ENDOD1: variants seen among roughly 807,000 people sequenced by gnomAD.
The protein encoded by ENDOD1 is endonuclease domain-containing 1 protein.
ENDOD1 carries 9 observed loss-of-function variants against 6.5 expected under a neutral mutation model. The observed-to-expected ratio is 1.39, with a 90% CI of 0.84 to 2.43. The LOEUF is 2.43. ENDOD1 is among the 30% of genes most tolerant of loss of function. The pLI is 0.00. For missense variants in ENDOD1, 648 were observed against 635.5 expected (o/e 1.02, Z -0.21); for synonymous variants, 255 against 255.2 (o/e 1.00, Z 0.01).
Position 95,090,172 on chromosome 11 carries a change from GCGCCCCGCGCC to G in ENDOD1, c.247_257del (p.Ala83CysfsTer17). ...CGCATCCCCGTGTACTCCGCGTTCC[GCGCCCCGCGCC>G]CTGCGCCCGGCGGCGCCGAGCAGCG... On this transcript the variant is annotated frameshift_variant, in exon 1 of 2. Coordinates refer to ENST00000278505, the MANE Select transcript of ENDOD1 (RefSeq NM_015036.3). LOFTEE classifies it high-confidence loss of function. 1.4e-6 allele frequency: 2 copies of G among 1,433,402 alleles called. No homozygotes were observed. Among genetic ancestry groups the G allele is most frequent in the Non-Finnish European group, 1.9e-6 (2 of 1,077,388 alleles). The allele number at this position is 1,433,402 out of a possible 1,614,324, so 88.8% of individuals were successfully genotyped here. A position where few individuals can be genotyped will look rare whatever the true frequency, so the allele number is the denominator to read the frequency against.
chr11:95,090,498 T>C (rs538928806), intron 1 of ENDOD1, among the ~76,000 whole-genome samples: 75 of 152,300 alleles, frequency 4.9e-4, no homozygotes, highest in Non-Finnish European at 7.8e-4. Context: ...GGGAGGAGGT[T>C]CTCCCTGCAT....
intron 1 of ENDOD1, among the ~76,000 whole-genome samples, 159 bp downstream of exon 1, chr11:95,090,386 G>C (rs574038268): frequency 3.2e-4 from 11 of 33,984 alleles, no homozygotes; most frequent in Non-Finnish European, 4.4e-4. Flanking sequence ...CCACCCTGTT[G>C]CGTCCCCGGA....
intron 1 of ENDOD1, among the ~76,000 whole-genome samples, chr11:95,093,613 C>T (rs540947788): frequency 6.6e-6 from 1 of 152,328 alleles, no homozygotes; most frequent in East Asian, 1.9e-4. Context: ...CTTACTCATT[C>T]TTTTCCTAGT....
chr11:95,111,068 G>A (rs1247127382), intron 1 of ENDOD1, among the ~76,000 whole-genome samples: 3 of 152,184 alleles, frequency 2.0e-5, no homozygotes, highest in African/African-American at 7.2e-5. Context: ...GGTACTGGCA[G>A]GCTCCAAATC....
In ENDOD1 at chr11:95,128,556, C is replaced by T; in HGVS notation, c.480C>T (p.Leu160=). The T allele has an allele frequency of 6.2e-7, 1 of 1,614,270 alleles. No individual in the cohort carries two copies. The highest frequency in any genetic ancestry group is 1.1e-5 in the South Asian group (1 of 91,082). ...SSDVQVATFT[L]TNSAPMTQSF... ...ATGTCCAGGTGGCCACATTTACTCTCACAAATTCAGCCCCAATGACTCAGT... is the reference window on the plus strand; with the variant it reads ...ATGTCCAGGTGGCCACATTTACTCTTACAAATTCAGCCCCAATGACTCAGT... Residue 160 remains leucine, a synonymous_variant, in exon 2 of 2, where the codon CTC becomes CTT. Transcript: ENST00000278505.
chr11:95,121,549 C>G (rs142460954), intron 1 of ENDOD1, among the ~76,000 whole-genome samples: 309 of 152,278 alleles, frequency 2.0e-3, no homozygotes, highest in Non-Finnish European at 3.4e-3. Context: ...AATGTTTCCC[C>G]TCCAATACTC....
chr11:95,116,767 A>T (rs934469324), intron 1 of ENDOD1, among the ~76,000 whole-genome samples: 89 of 152,330 alleles, frequency 5.8e-4, no homozygotes, highest in African/African-American at 2.1e-3. Context: ...ATTCAGGAGC[A>T]TACTGTTTAA....
Position 95,128,587 on chromosome 11 carries a change from C to T in ENDOD1, c.511C>T (p.Gln171Ter). 6.2e-7 allele frequency: 1 copy of T among 1,614,216 alleles called. No individual in the cohort carries two copies. Among genetic ancestry groups the T allele is most frequent in the Non-Finnish European group, 8.5e-7 (1 of 1,180,034 alleles). Residue 171 changes from glutamine (Q) to a stop codon, truncating the protein, a stop_gained, in exon 2 of 2, where the codon CAG (glutamine) becomes TAG (stop). Coordinates refer to ENST00000278505, the MANE Select transcript of ENDOD1 (RefSeq NM_015036.3). LOFTEE classifies it low-confidence loss of function (END_TRUNC). Reference sequence around the variant, plus strand: ...TTCAGCCCCAATGACTCAGTCCTTCCAGGAACGGTGGTATGTGAATCTCCA... The same window carrying T: ...TTCAGCCCCAATGACTCAGTCCTTCTAGGAACGGTGGTATGTGAATCTCCA... The part of the protein sequence containing the change: ...TNSAPMTQSF[Q>*]ERWYVNLHSL...
In ENDOD1 at chr11:95,129,202, C is replaced by A; in HGVS notation, c.1126C>A (p.Leu376Ile). ...GGTGATTAATGGCATAGAAAGTTGC[C>A]TTTACCGCCTGGGCTCAGCCACCAT... ...KQVINGIESC[L>I]YRLGSATISY... is the part of the protein sequence containing the mutation. Residue 376 changes from leucine (L) to isoleucine (I), a missense_variant, in exon 2 of 2, where the codon CTT becomes ATT. Leu to Ile is a conservative substitution (Grantham distance 5). Transcript: ENST00000278505. The A allele has an allele frequency of 6.2e-7, 1 of 1,614,148 alleles. No individual in the cohort carries two copies. The highest frequency in any genetic ancestry group is 8.5e-7 in the Non-Finnish European group (1 of 1,180,038).
At chr11:95,125,712 T>C (rs1369009151) in intron 1 of ENDOD1, among the ~76,000 whole-genome samples, 1 of 151,878 alleles carries the variant, frequency 6.6e-6, no homozygotes, top group Admixed American at 6.6e-5. Context: ...TTTGTCCTTG[T>C]GATAGTTTGC....
At chr11:95,121,785 A>G (rs1591019310) in intron 1 of ENDOD1, among the ~76,000 whole-genome samples, 2 of 152,342 alleles carry the variant, frequency 1.3e-5, no homozygotes, top group East Asian at 3.9e-4. Context: ...TAGTAGAGCG[A>G]AGACAGCTCA....
chr11:95,122,083 A>T lies in ENDOD1; in HGVS notation c.301-6294A>T, dbSNP rs1029033734. Among the ~76,000 whole-genome samples the T allele has an allele frequency of 2.0e-5, 3 of 152,222 alleles. No homozygotes were observed. In the East Asian group the frequency reaches 5.8e-4, roughly 29 times the overall value. ...TAGGGAGCAATGTTGTCAGTAATTT[A>T]CTATAATTGCAATAACCAGATCATT... On this transcript the variant is annotated intron_variant, in intron 1 of 1. Coordinates refer to ENST00000278505, the MANE Select transcript of ENDOD1 (RefSeq NM_015036.3).
At chr11:95,101,747 C>T (rs1158977017) in intron 1 of ENDOD1, among the ~76,000 whole-genome samples, 1 of 152,126 alleles carries the variant, frequency 6.6e-6, no homozygotes, top group Non-Finnish European at 1.5e-5. Flanking sequence ...CTCTATGAGG[C>T]CACATCTAAT....
At chr11:95,124,804 G>A (rs1859295622) in intron 1 of ENDOD1, among the ~76,000 whole-genome samples, 2 of 152,342 alleles carry the variant, frequency 1.3e-5, no homozygotes, top group East Asian at 3.9e-4. Context: ...CTAAGAGGAT[G>A]CAGAAACACC....
intron 1 of ENDOD1, among the ~76,000 whole-genome samples, chr11:95,123,192 A>G (rs1356869033): frequency 2.6e-5 from 4 of 151,466 alleles, no homozygotes; most frequent in Admixed American, 6.6e-5. Flanking sequence ...CCGTCTCAAA[A>G]AAAAAAAAAA....
intron 1 of ENDOD1, among the ~76,000 whole-genome samples, chr11:95,103,100 G>GTGT (rs1555111075): frequency 0.03 from 2,606 of 85,578 alleles, 56 homozygotes; most frequent in African/African-American, 0.055. Context: ...AGGCAGAGTG[G>GTGT]GTGTGTGTGT....
chr11:95,129,202 CTT>C lies in ENDOD1; in HGVS notation c.1128_1129del (p.Tyr377ProfsTer91). The C allele has an allele frequency of 6.2e-7, 1 of 1,614,148 alleles. No homozygotes were observed. Among genetic ancestry groups the C allele is most frequent in the Middle Eastern group, 1.6e-4 (1 of 6,062 alleles). On this transcript the variant is annotated frameshift_variant, in exon 2 of 2. Transcript: ENST00000278505. LOFTEE classifies it low-confidence loss of function (END_TRUNC). ...GGTGATTAATGGCATAGAAAGTTGC[CTT>C]TACCGCCTGGGCTCAGCCACCATCT... is the stretch of plus-strand genomic sequence containing the variant. Reference protein sequence around the residue: ...KQVINGIESCLYRLGSATISY... With the variant: ...KQVINGIESCXYRLGSATISY...
At chr11:95,093,899 T>C (rs1311343773) in intron 1 of ENDOD1, among the ~76,000 whole-genome samples, 2 of 152,172 alleles carry the variant, frequency 1.3e-5, no homozygotes, top group Non-Finnish European at 1.5e-5. Flanking sequence ...CTACAGGAGA[T>C]GGTTTGGAGG....
intron 1 of ENDOD1, among the ~76,000 whole-genome samples, chr11:95,093,318 G>A (rs1179964691): frequency 1.3e-5 from 2 of 152,150 alleles, no homozygotes; most frequent in Admixed American, 6.5e-5. Flanking sequence ...TGTTTGTGAT[G>A]TCTGTTTCTT....
Sources: allele counts gnomAD v4.1 joint callset (sites outside exome capture counted in the v4.1 genomes callset), GRCh38; gene constraint gnomAD v4.1.1; transcripts MANE v1.5; gene names NCBI Gene and HGNC (gene_info 2026-07-23, HGNC 2026-07-21).